Variants in CEP112 observed in about 807,000 individuals in gnomAD.
CEP112 encodes the protein centrosomal protein of 112 kDa.
A neutral mutation model predicts 153.0 loss-of-function variants in CEP112; 127 were observed. The ratio of observed to expected loss-of-function variants is 0.83; its 90% confidence interval spans 0.72 to 0.96. The LOEUF (loss-of-function observed/expected upper bound fraction) is 0.96. CEP112 is among the 40% of genes least tolerant of loss of function. The pLI is 0.00. For synonymous variants in CEP112, 358 were observed against 374.4 expected (o/e 0.96, Z 0.51); for missense variants, 1,089 against 1,101.2 (o/e 0.99, Z 0.16).
chr17:65,776,995 T>C (rs2053716140), intron 21 of CEP112, among the ~76,000 whole-genome samples: 1 of 152,224 alleles, frequency 6.6e-6, no homozygotes, highest in Admixed American at 6.5e-5. Flanking sequence ...TATTCTCCCT[T>C]CTTCCATAAG....
At chr17:65,834,916 A>G (rs930539866) in intron 21 of CEP112, among the ~76,000 whole-genome samples, 1 of 152,208 alleles carries the variant, frequency 6.6e-6, no homozygotes, top group African/African-American at 2.4e-5. Context: ...CTGCAGCACT[A>G]TCCACAATAG....
intron 24 of CEP112, among the ~76,000 whole-genome samples, chr17:65,676,759 C>T (rs1433264583): frequency 1.3e-5 from 2 of 152,200 alleles, no homozygotes. Flanking sequence ...ATCTCATTTA[C>T]CTTCCTGTTT....
chr17:66,037,906 AT>A (rs2065804198), intron 12 of CEP112, among the ~76,000 whole-genome samples: 1 of 152,060 alleles, frequency 6.6e-6, no homozygotes, highest in South Asian at 2.1e-4. Context: ...TTTTAAGTAT[AT>A]ACATAGATAT....
intron 17 of CEP112, among the ~76,000 whole-genome samples, chr17:65,964,416 T>C (rs1194784557): frequency 6.6e-6 from 1 of 152,242 alleles, no homozygotes; most frequent in Non-Finnish European, 1.5e-5. Flanking sequence ...TCACTCTTTC[T>C]ATATTATTCT....
chr17:66,005,798 T>C lies in CEP112; in HGVS notation c.1657-29A>G, dbSNP rs774476248. On this transcript the variant is annotated intron_variant, in intron 16 of 26. Transcript: ENST00000535342. Reference sequence around the variant, plus strand: ...CCATGACAAGAACATGGAAAATTTATTGGAAGACGAGTAAAGTTTACTTCA... The same window carrying C: ...CCATGACAAGAACATGGAAAATTTACTGGAAGACGAGTAAAGTTTACTTCA... The C allele has an allele frequency of 1.7e-5, 27 of 1,582,616 alleles. No individual in the cohort carries two copies. In the East Asian group the frequency reaches 1.8e-4, roughly 11 times the overall value.
rs1220257764 is a variant in CEP112, at chr17:66,115,286, T to C, written c.642+14460A>G. ...CTAGCACACAGTGCTGCTGAGAAGG[T>C]AGATTGGCACAGCCACTTTGGAAAA... is the stretch of plus-strand genomic sequence containing the variant. On this transcript the variant is annotated intron_variant, in intron 6 of 26. Coordinates refer to ENST00000535342, the MANE Select transcript of CEP112 (RefSeq NM_001199165.4). Among the ~76,000 whole-genome samples, 9 of 152,244 alleles carry C rather than the reference T, an allele frequency of 5.9e-5. No homozygotes were observed. In the East Asian group the frequency reaches 1.4e-3, roughly 23 times the overall value.
chr17:65,701,801 T>G (rs1685401615), intron 23 of CEP112, among the ~76,000 whole-genome samples: 7 of 152,124 alleles, frequency 4.6e-5, no homozygotes, highest in Admixed American at 4.6e-4. Context: ...AATTACCAAG[T>G]TCCTGGTTTT....
At chr17:65,721,210 C>T (rs1036531424) in intron 23 of CEP112, among the ~76,000 whole-genome samples, 4 of 152,022 alleles carry the variant, frequency 2.6e-5, no homozygotes, top group Admixed American at 6.6e-5. Flanking sequence ...CGGGGTCTCA[C>T]CGTGTTAACC....
chr17:66,107,536 CA>C (rs1380654153), intron 6 of CEP112, among the ~76,000 whole-genome samples: 4 of 151,906 alleles, frequency 2.6e-5, no homozygotes, highest in African/African-American at 9.7e-5. Context: ...AAATTAATTC[CA>C]TTTACAATAG....
At chr17:65,837,260 G>A (rs1264735312) in intron 21 of CEP112, among the ~76,000 whole-genome samples, 12 of 149,778 alleles carry the variant, frequency 8.0e-5, no homozygotes, top group South Asian at 2.1e-4. Context: ...CTGCCTGGCC[G>A]CCCATCGTCT....
intron 17 of CEP112, among the ~76,000 whole-genome samples, chr17:66,003,597 T>C (rs1395555806): frequency 6.6e-6 from 1 of 152,202 alleles, no homozygotes; most frequent in Non-Finnish European, 1.5e-5. Flanking sequence ...GTGTAAACAT[T>C]GTAGGTACTA....
intron 21 of CEP112, among the ~76,000 whole-genome samples, chr17:65,784,371 T>C (rs1445111417): frequency 1.3e-5 from 2 of 152,242 alleles, no homozygotes; most frequent in Non-Finnish European, 2.9e-5. Flanking sequence ...TTCTGGTTAC[T>C]CTTTCTTATT....
chr17:65,868,503 A>AT (rs751282749), intron 20 of CEP112, among the ~76,000 whole-genome samples: 48 of 147,016 alleles, frequency 3.3e-4, no homozygotes, highest in Non-Finnish European at 5.5e-4. Context: ...CTGTCTCAAA[A>AT]TTAAAAAAAA....
intron 8 of CEP112, among the ~76,000 whole-genome samples, chr17:66,074,541 C>G (rs2067414786): frequency 6.6e-6 from 1 of 151,998 alleles, no homozygotes; most frequent in Non-Finnish European, 1.5e-5. Flanking sequence ...CGCCTAGAAA[C>G]ATCACAAACT....
intron 6 of CEP112, among the ~76,000 whole-genome samples, chr17:66,125,884 T>A (rs973113888): frequency 6.6e-6 from 1 of 152,212 alleles, no homozygotes; most frequent in African/African-American, 2.4e-5. Context: ...AACATAATTT[T>A]CTTAGGATAA....
rs74004910 is a variant in CEP112, at chr17:65,683,589, T to C, written c.2697+5540A>G. On this transcript the variant is annotated intron_variant, in intron 24 of 26. Transcript: ENST00000535342. ...GCAAGCTCTTGAAACAACCCCAAATTAGCAAGTGCCACACACTGCCTAGGC... is the reference window on the plus strand; with the variant it reads ...GCAAGCTCTTGAAACAACCCCAAATCAGCAAGTGCCACACACTGCCTAGGC... Among the ~76,000 whole-genome samples the C allele has an allele frequency of 6.6e-3, 1,008 of 152,206 alleles. 13 individuals carry two copies. The highest frequency in any genetic ancestry group is 0.023 in the African/African-American group (956 of 41,538).
At chr17:65,808,178 G>A (rs2055725732) in intron 21 of CEP112, among the ~76,000 whole-genome samples, 1 of 152,226 alleles carries the variant, frequency 6.6e-6, no homozygotes, top group African/African-American at 2.4e-5. Context: ...GCCCTGTTGG[G>A]TTTTGGACTT....
intron 8 of CEP112, among the ~76,000 whole-genome samples, chr17:66,087,948 G>A (rs960441083): frequency 1.4e-4 from 22 of 151,932 alleles, no homozygotes; most frequent in African/African-American, 5.3e-4. Context: ...CAGTACCCCA[G>A]GACTGACCCT....
intron 23 of CEP112, among the ~76,000 whole-genome samples, chr17:65,692,247 G>C (rs1276115638): frequency 2.3e-5 from 1 of 43,260 alleles, no homozygotes; most frequent in Non-Finnish European, 4.8e-5. Flanking sequence ...TTTTTTTTTT[G>C]AGACGGAGTT....
Sources: gnomAD v4.1 joint callset for allele counts (sites outside exome capture counted in the v4.1 genomes callset) on GRCh38, gnomAD v4.1.1 for gene constraint, MANE v1.5 for transcripts, NCBI Gene and HGNC (gene_info 2026-07-23, HGNC 2026-07-21) for gene names.